The following PPP2R1B variants were observed in gnomAD, a reference collection of about 807,000 sequenced individuals.
PPP2R1B encodes the protein serine/threonine-protein phosphatase 2A 65 kDa regulatory subunit A beta isoform.
Under a neutral mutation model 72.7 loss-of-function variants are expected in PPP2R1B, and 58 were observed. The observed-to-expected ratio is 0.80, with a 90% confidence interval of 0.65 to 0.99. The LOEUF (loss-of-function observed/expected upper bound fraction) is 0.99. Among genes scored for constraint, PPP2R1B ranks in the 50% least tolerant of loss-of-function variants. The pLI is 0.00. For synonymous variants in PPP2R1B, 256 were observed against 264.6 expected (o/e 0.97, Z 0.32); for missense variants, 695 against 733.6 (o/e 0.95, Z 0.61).
intron 5 of PPP2R1B, among the ~76,000 whole-genome samples, chr11:111,757,965 C>G (rs1555050200): frequency 6.6e-6 from 1 of 152,098 alleles, no homozygotes; most frequent in Non-Finnish European, 1.5e-5. Flanking sequence ...AGCAAAAAAT[C>G]TAGGAGATCT....
At chr11:111,716,108 T>C in the PPP2R1B span, among the ~76,000 whole-genome samples, 2 of 152,162 alleles carry the variant, frequency 1.3e-5, no homozygotes, top group African/African-American at 4.8e-5. Context: ...AGCCCATTTT[T>C]AGCATTTTTA....
rs1326888080 is a variant in PPP2R1B, at chr11:111,740,891, T to C, written c.*705A>G. 1.0e-6 allele frequency: 1 copy of C among 985,490 alleles called. No homozygotes were observed. The highest frequency in any genetic ancestry group is 4.7e-5 in the South Asian group (1 of 21,288). The allele number at this position is 985,490 out of a possible 1,614,324, so 61.0% of individuals were successfully genotyped here. A position where few individuals can be genotyped will look rare whatever the true frequency, so the allele number is the denominator to read the frequency against. On this transcript the variant is annotated 3_prime_UTR_variant, in exon 15 of 15. Transcript: ENST00000527614. ...GAAAAGAGAGAGAAGTATTTTTAAA[T>C]GTAGGCACAGTGGTGAGCTGTTCAA...
At position 111,738,878 on chromosome 11, in the gene PPP2R1B, ATGTTTGTGTGTGTGTG is replaced by A; in HGVS notation, c.*2702_*2717del. 1 of 911,952 alleles carries A rather than the reference ATGTTTGTGTGTGTGTG, an allele frequency of 1.1e-6. No homozygotes were observed. The highest frequency in any genetic ancestry group is 1.3e-6 in the Non-Finnish European group (1 of 788,060). 56.5% of individuals were successfully genotyped at this position (911,952 alleles called of 1,614,324 possible). Reference sequence around the variant, plus strand: ...AGACATTTTTATTGGCATAGGTTATATGTTTGTGTGTGTGTGTGTGTGTGTGTGTGTGTGTGTGTGT... The same window carrying A: ...AGACATTTTTATTGGCATAGGTTATATGTGTGTGTGTGTGTGTGTGTGTGT... On this transcript the variant is annotated 3_prime_UTR_variant, in exon 15 of 15. Coordinates refer to ENST00000527614, the MANE Select transcript of PPP2R1B (RefSeq NM_002716.5).
intron 5 of PPP2R1B, 112 bp from the exon 6 acceptor site, chr11:111,755,562 A>G (rs1187273218): frequency 1.1e-6 from 1 of 902,144 alleles, no homozygotes; most frequent in Middle Eastern, 2.6e-4. Flanking sequence ...GCCACACCTT[A>G]TATAGTTTCA....
At chr11:111,699,475 T>TCC in the PPP2R1B span, among the ~76,000 whole-genome samples, 1 of 152,184 alleles carries the variant, frequency 6.6e-6, no homozygotes, top group Non-Finnish European at 1.5e-5. Flanking sequence ...GCATCCTATC[T>TCC]GGGTAGGTGG....
At chr11:111,720,418 C>G in the PPP2R1B span, 1 of 1,485,280 alleles carries the variant, frequency 6.7e-7, no homozygotes, top group African/African-American at 1.4e-5. Flanking sequence ...ATGCTTTGTA[C>G]CCTATGTTCC....
intron 9 of PPP2R1B, among the ~76,000 whole-genome samples, chr11:111,752,674 A>C (rs1399394374): frequency 3.3e-5 from 5 of 152,152 alleles, no homozygotes; most frequent in African/African-American, 1.2e-4. Flanking sequence ...CAGCTTTCTC[A>C]TCTGTAAAAT....
At chr11:111,708,383 A>G in the PPP2R1B span, among the ~76,000 whole-genome samples, 3 of 152,180 alleles carry the variant, frequency 2.0e-5, no homozygotes, top group Admixed American at 2.0e-4. Flanking sequence ...TTCTGTCCCA[A>G]AAAGTAAAAC....
At chr11:111,717,995 G>A in the PPP2R1B span, among the ~76,000 whole-genome samples, 1 of 152,134 alleles carries the variant, frequency 6.6e-6, no homozygotes, top group East Asian at 1.9e-4. Flanking sequence ...TAGGTTGACA[G>A]GTGCAGCAAA....
At chr11:111,755,180 T>C in intron 6 of PPP2R1B, 86 bp from the exon 7 acceptor site, 1 of 1,530,488 alleles carries the variant, frequency 6.5e-7, no homozygotes, top group Non-Finnish European at 8.9e-7. Flanking sequence ...TGTAAATACA[T>C]ATTTTTGCCA....
At chr11:111,743,011 A>G (rs1378184495) in intron 12 of PPP2R1B, among the ~76,000 whole-genome samples, 1 of 151,896 alleles carries the variant, frequency 6.6e-6, no homozygotes, top group Non-Finnish European at 1.5e-5. Context: ...CTCCTGCCTC[A>G]GCCTCCCAAG....
At chr11:111,719,066 C>A in the PPP2R1B span, among the ~76,000 whole-genome samples, 1 of 152,174 alleles carries the variant, frequency 6.6e-6, no homozygotes, top group Admixed American at 6.5e-5. Context: ...CTGGAGGAGA[C>A]AAAATTCAGT....
chr11:111,704,807 G>A, the PPP2R1B span, among the ~76,000 whole-genome samples: 1 of 152,128 alleles, frequency 6.6e-6, no homozygotes, highest in Non-Finnish European at 1.5e-5. Context: ...ATTAATACTA[G>A]AGACTTGAAG....
chr11:111,766,117 C>G lies in PPP2R1B; in HGVS notation c.114+131G>C, dbSNP rs139485587. The stretch of plus-strand genomic sequence containing the variant: ...GCCCCTCGCGGAGCATTCCCCGCCT[C>G]CCCTTCAAGTTTCTGCTACGAGTCC... On this transcript the variant is annotated intron_variant, in intron 1 of 14. Coordinates refer to ENST00000527614, the MANE Select transcript of PPP2R1B (RefSeq NM_002716.5). 3.3e-4 allele frequency: 268 copies of G among 822,282 alleles called. 1 individual carries two copies. In the African/African-American group the frequency reaches 4.3e-3, roughly 13 times the overall value. 50.9% of individuals were successfully genotyped at this position (822,282 alleles called of 1,614,324 possible). A position where few individuals can be genotyped will look rare whatever the true frequency, so the allele number is the denominator to read the frequency against.
At chr11:111,699,745 T>G in the PPP2R1B span, among the ~76,000 whole-genome samples, 1 of 152,232 alleles carries the variant, frequency 6.6e-6, no homozygotes, top group Non-Finnish European at 1.5e-5. Flanking sequence ...AGTGAGCTTA[T>G]TTTAACACAT....
At chr11:111,705,165 T>C in the PPP2R1B span, 1 of 1,536,456 alleles carries the variant, frequency 6.5e-7, no homozygotes. The surrounding 1 kb of genome is among the most constrained non-coding windows in gnomAD (Gnocchi z 4.3). Context: ...CTGAGAGTCT[T>C]ATCTGTGCAT....
chr11:111,755,462 A>C lies in PPP2R1B; in HGVS notation c.688-12T>G, dbSNP rs782797529. 12 of 1,590,356 alleles carry C rather than the reference A, an allele frequency of 7.5e-6. No individual in the cohort carries two copies. Among genetic ancestry groups the C allele is most frequent in the Non-Finnish European group, 1.0e-5 (12 of 1,172,506 alleles). On this transcript the variant is annotated splice_polypyrimidine_tract_variant and intron_variant, in intron 5 of 14. Transcript: ENST00000527614. ...AGGCGCACTGAATCCTAAAGGAACA[A>C]AATTTCTGTAATTCAGACATTTACT...
downstream of PPP2R1B, chr11:111,724,269 G>C (rs986038692): frequency 4.0e-6 from 5 of 1,242,698 alleles, no homozygotes; most frequent in African/African-American, 7.6e-5. Flanking sequence ...GGAATCAGAG[G>C]GTCTGGCTGG....
chr11:111,730,320 A>C (rs1262491279), intron 15 of PPP2R1B: 1 of 152,230 alleles, frequency 6.6e-6, no homozygotes, highest in Non-Finnish European at 1.5e-5. Context: ...TCAGTCAAGG[A>C]AATTCAAGTG....
Sources: allele counts gnomAD v4.1 joint callset (sites outside exome capture counted in the v4.1 genomes callset), GRCh38; gene constraint gnomAD v4.1.1; non-coding constraint Gnocchi (gnomAD v3.1); transcripts MANE v1.5; gene names NCBI Gene and HGNC (gene_info 2026-07-23, HGNC 2026-07-21).